ASTN1: variants seen among roughly 807,000 people sequenced by gnomAD.
The protein encoded by ASTN1 is astrotactin-1.
ASTN1 carries 41 observed loss-of-function variants against 140.7 expected under a neutral mutation model. That is an observed-to-expected ratio of 0.29 (90% CI 0.23 to 0.38). The LOEUF is 0.38. Ranked by LOEUF, ASTN1 falls within the 10% of genes least tolerant of loss-of-function variation. ASTN1 has a pLI of 1.00. For synonymous variants in ASTN1, 640 were observed against 652.2 expected (o/e 0.98, Z 0.29); for missense variants, 1,479 against 1,678.8 (o/e 0.88, Z 2.08).
intron 1 of ASTN1, among the ~76,000 whole-genome samples, chr1:177,067,357 C>T (rs1023995021): frequency 6.6e-5 from 10 of 152,110 alleles, no homozygotes; most frequent in South Asian, 2.1e-4. Flanking sequence ...GATTGAGCTC[C>T]GGACTTTAGT....
intron 1 of ASTN1, among the ~76,000 whole-genome samples, chr1:177,147,802 CAACT>C (rs941508592): frequency 2.0e-5 from 3 of 152,152 alleles, no homozygotes; most frequent in Non-Finnish European, 4.4e-5. Context: ...AGGCCTAAGT[CAACT>C]CATGCCAAAA....
intron 8 of ASTN1, among the ~76,000 whole-genome samples, chr1:177,002,945 A>G (rs911327909): frequency 4.6e-5 from 7 of 152,204 alleles, no homozygotes; most frequent in African/African-American, 1.7e-4. Flanking sequence ...GAACAGACCA[A>G]TAATAAGCAG....
chr1:177,068,336 C>G (rs565623532), intron 1 of ASTN1, among the ~76,000 whole-genome samples: 1 of 152,276 alleles, frequency 6.6e-6, no homozygotes, highest in African/African-American at 2.4e-5. Flanking sequence ...TCTCATCCAA[C>G]AGAAGCACAG....
rs1243983787 is a variant in ASTN1, at chr1:177,032,662, G to A, written c.659C>T (p.Ala220Val). 2 of 1,614,074 alleles carry A rather than the reference G, an allele frequency of 1.2e-6. No homozygotes were observed. Among genetic ancestry groups the A allele is most frequent in the African/African-American group, 1.3e-5 (1 of 74,932 alleles). The change falls in exon 3 of 23, where the codon GCC (alanine) becomes GTC (valine). Residue 220 changes from alanine to valine, a missense_variant. Around this residue, in one of 3 missense-constraint regions of ASTN1, gnomAD observed 729 missense variants for 860.4 expected, o/e 0.85. Transcript: ENST00000361833. ...GGHGRESLRN[A>V]RVQGHNSSGT... ...ACTGGAGTTGTGGCCCTGCACGCGG[G>A]CATTGCGCAGGCTCTCCCGTCCGTG...
At chr1:176,961,444 G>T (rs1672656449) in intron 9 of ASTN1, among the ~76,000 whole-genome samples, 1 of 152,152 alleles carries the variant, frequency 6.6e-6, no homozygotes, top group African/African-American at 2.4e-5. Context: ...CCTTTGCAGA[G>T]AACTGCAAAG....
chr1:176,914,433 C>A (rs1211713765), intron 16 of ASTN1, among the ~76,000 whole-genome samples: 2 of 152,182 alleles, frequency 1.3e-5, no homozygotes, highest in Non-Finnish European at 2.9e-5. Flanking sequence ...GTCAAAGAAA[C>A]AGAGGTGAAG....
intron 2 of ASTN1, among the ~76,000 whole-genome samples, chr1:177,044,708 G>T (rs1445970340): frequency 1.3e-5 from 2 of 152,216 alleles, no homozygotes; most frequent in African/African-American, 4.8e-5. Context: ...GGCAGTCAGG[G>T]GTTCTTGCTT....
chr1:177,057,810 G>C (rs1393696588), intron 2 of ASTN1, among the ~76,000 whole-genome samples: 1 of 152,130 alleles, frequency 6.6e-6, no homozygotes, highest in Non-Finnish European at 1.5e-5. Flanking sequence ...TCTCAATATT[G>C]TTACAAATCA....
chr1:177,111,201 C>T (rs1428262205), intron 1 of ASTN1, among the ~76,000 whole-genome samples: 2 of 152,138 alleles, frequency 1.3e-5, no homozygotes, highest in African/African-American at 4.8e-5. Context: ...CCTGGTGTTT[C>T]GATTTTACAA....
At chr1:176,934,063 C>T (rs904912028) in intron 16 of ASTN1, 89 bp downstream of exon 16, 8 of 1,320,840 alleles carry the variant, frequency 6.1e-6, no homozygotes, top group Non-Finnish European at 8.2e-6. Context: ...GTCGTTACTA[C>T]AGACTCCTTA....
At chr1:176,948,416 T>G (rs1672042689) in intron 12 of ASTN1, among the ~76,000 whole-genome samples, 1 of 152,152 alleles carries the variant, frequency 6.6e-6, no homozygotes, top group Non-Finnish European at 1.5e-5. Flanking sequence ...TAAATATAAT[T>G]CCAGTCAGCA....
chr1:176,863,727 G>A lies in ASTN1; in HGVS notation c.*557C>T, dbSNP rs1055265838. On this transcript the variant is annotated 3_prime_UTR_variant, in exon 23 of 23. Coordinates refer to ENST00000361833, the MANE Select transcript of ASTN1 (RefSeq NM_004319.3). ...TGGAAATAGTGATAGCAAGGCCTAG[G>A]AAGAAAACCAGGAGACACAGACAAG... The A allele has an allele frequency of 4.1e-6, 4 of 986,650 alleles. No homozygotes were observed. The African/African-American group carries it at 5.2e-5, about 13-fold the overall frequency. 61.1% of individuals were successfully genotyped at this position (986,650 alleles called of 1,614,324 possible).
At chr1:176,857,369 T>C, downstream of ASTN1, 1 of 393,650 alleles carries the variant, frequency 2.5e-6, no homozygotes, top group Non-Finnish European at 4.5e-6. Flanking sequence ...GAAAGCAAAA[T>C]ACATTTTAGG....
chr1:177,098,418 C>G (rs926650903), intron 1 of ASTN1, among the ~76,000 whole-genome samples: 1 of 152,140 alleles, frequency 6.6e-6, no homozygotes, highest in Admixed American at 6.6e-5. Flanking sequence ...AATACAGTGC[C>G]TGACACTTAG....
At chr1:176,883,086 A>G in intron 19 of ASTN1, 92 bp from the exon 20 acceptor site, 1 of 1,526,296 alleles carries the variant, frequency 6.6e-7, no homozygotes, top group Non-Finnish European at 9.0e-7. Flanking sequence ...ACTTAACATG[A>G]CAATGATTTG....
At chr1:177,046,703 C>T (rs557340083) in intron 2 of ASTN1, among the ~76,000 whole-genome samples, 1 of 152,294 alleles carries the variant, frequency 6.6e-6, no homozygotes, top group African/African-American at 2.4e-5. Context: ...AGTGAGATGG[C>T]CTCATGATCT....
At chr1:176,976,610 T>C (rs1673375893) in intron 8 of ASTN1, 1 of 152,252 alleles carries the variant, frequency 6.6e-6, no homozygotes, top group Non-Finnish European at 1.5e-5. Flanking sequence ...ATGCAACTGA[T>C]ACAGCTAAAG....
intron 8 of ASTN1, among the ~76,000 whole-genome samples, chr1:176,978,742 G>A (rs1157562396): frequency 3.3e-5 from 5 of 152,110 alleles, no homozygotes; most frequent in Non-Finnish European, 5.9e-5. Flanking sequence ...AAGCAGAGCT[G>A]ACATTTAGAA....
intron 2 of ASTN1, among the ~76,000 whole-genome samples, chr1:177,047,232 A>G (rs6667588): frequency 0.54 from 82,278 of 152,106 alleles, 22,770 homozygotes; most frequent in Middle Eastern, 0.62. Flanking sequence ...GTCATGGGGC[A>G]AAACTGAATT....
Sources: gnomAD v4.1 joint callset for allele counts (sites outside exome capture counted in the v4.1 genomes callset) on GRCh38, gnomAD v4.1.1 for gene constraint, gnomAD v4.1.1 regional missense constraint, MANE v1.5 for transcripts, NCBI Gene and HGNC (gene_info 2026-07-23, HGNC 2026-07-21) for gene names.